The following PSD2 variants were observed in gnomAD, a reference collection of about 807,000 sequenced individuals.
The protein encoded by PSD2 is pleckstrin and Sec7 domain containing 2.
A neutral mutation model predicts 69.8 loss-of-function variants in PSD2; 38 were observed. The ratio of observed to expected loss-of-function variants is 0.54; its 90% CI spans 0.42 to 0.71. PSD2 has a LOEUF of 0.71. Ranked by LOEUF, PSD2 falls within the 30% of genes least tolerant of loss-of-function variation. The pLI, the probability that PSD2 is intolerant of heterozygous loss-of-function variation, is 0.00. For missense variants in PSD2, 943 were observed against 1,014.5 expected (o/e 0.93, Z 0.96); for synonymous variants, 412 against 423.0 (o/e 0.97, Z 0.32).
rs1412780563 is a variant in PSD2, at chr5:139,809,622, C to T, written c.182C>T (p.Thr61Met). Reference protein sequence around the residue: ...RGTPADTEEPTKDPDVAFHGL... With the variant: ...RGTPADTEEPMKDPDVAFHGL... ...ACCCCAGCGGACACTGAGGAACCCA[C>T]GAAGGACCCAGATGTGGCCTTCCAT... is the stretch of plus-strand genomic sequence containing the variant. The change falls in exon 2 of 15, where the codon ACG becomes ATG. Residue 61 changes from threonine (T) to methionine (M), a missense_variant. This residue lies in a region of PSD2 where 466 missense variants were observed against 445.0 expected (regional missense o/e 1.05). Coordinates refer to ENST00000274710, the MANE Select transcript of PSD2 (RefSeq NM_032289.4). 3.1e-6 allele frequency: 5 copies of T among 1,614,158 alleles called. No homozygotes were observed. Among genetic ancestry groups the T allele is most frequent in the Admixed American group, 1.7e-5 (1 of 60,014 alleles).
At position 139,809,511 on chromosome 5, in the gene PSD2, C is replaced by A; in HGVS notation, c.71C>A (p.Pro24His). ...GCCACCCGTGACCCCGGTCCAGAGC[C>A]TGAAGAGGAGCCAGGGGTCCGGAAT... Reference protein sequence around the residue: ...GDATRDPGPEPEEEPGVRNGM... With the variant: ...GDATRDPGPEHEEEPGVRNGM... The change falls in exon 2 of 15, where the codon CCT (proline) becomes CAT (histidine). Residue 24 changes from proline (P) to histidine (H), a missense_variant. Around this residue, in one of 3 missense-constraint regions of PSD2, gnomAD observed 466 missense variants for 445.0 expected, o/e 1.05. Coordinates refer to ENST00000274710, the MANE Select transcript of PSD2 (RefSeq NM_032289.4). 1 of 1,613,114 alleles carries A rather than the reference C, an allele frequency of 6.2e-7. No homozygotes were observed. Among genetic ancestry groups the A allele is most frequent in the Non-Finnish European group, 8.5e-7 (1 of 1,179,564 alleles).
the PSD2 span, among the ~76,000 whole-genome samples, chr5:139,778,945 C>CAAAAAAAAAAAAAAAAAAAAAAAAA: frequency 1.0e-5 from 1 of 99,898 alleles, no homozygotes; most frequent in African/African-American, 3.7e-5. Context: ...AGAAAAAAAA[C>CAAAAAAAAAAAAAAAAAAAAAAAAA]AAAAAAAAAA....
upstream of PSD2, among the ~76,000 whole-genome samples, chr5:139,790,906 G>C (rs1013338945): frequency 5.3e-5 from 8 of 151,994 alleles, no homozygotes; most frequent in African/African-American, 1.9e-4. Flanking sequence ...TGGGTGTGGT[G>C]GTTGGGTGGG....
chr5:139,813,836 G>A, intron 3 of PSD2, 78 bp downstream of exon 3: 1 of 1,252,198 alleles, frequency 8.0e-7, no homozygotes, highest in Non-Finnish European at 1.1e-6. Context: ...GCAGGTTAGG[G>A]TGACTCAGTG....
intron 7 of PSD2, among the ~76,000 whole-genome samples, chr5:139,827,977 G>A (rs940335654): frequency 3.9e-5 from 6 of 152,124 alleles, no homozygotes. Flanking sequence ...AATGGGGGAG[G>A]TGGAAGAGCA....
At position 139,833,731 on chromosome 5, in the gene PSD2, A is replaced by G; in HGVS notation, c.1299A>G (p.Gln433=). The change falls in exon 8 of 15, where the codon CAA becomes CAG. Residue 433 remains glutamine (Q), a synonymous_variant. Coordinates refer to ENST00000274710, the MANE Select transcript of PSD2 (RefSeq NM_032289.4). ...HNIGKKMSCQ[Q]FIANLDQLND... ...TTGGCAAAAAGATGTCCTGTCAGCA[A>G]TTCATTGCCAACTTGGACCAGCTGA... The G allele has an allele frequency of 6.2e-7, 1 of 1,614,146 alleles. No individual in the cohort carries two copies. The highest frequency in any genetic ancestry group is 8.5e-7 in the Non-Finnish European group (1 of 1,179,964).
chr5:139,793,780 C>A (rs952037312), upstream of PSD2, among the ~76,000 whole-genome samples: 1 of 152,198 alleles, frequency 6.6e-6, no homozygotes, highest in Non-Finnish European at 1.5e-5. Context: ...ACAGCCATGG[C>A]CCATTGAGTG....
the PSD2 span, among the ~76,000 whole-genome samples, chr5:139,777,249 CA>C: frequency 6.6e-6 from 1 of 152,084 alleles, no homozygotes; most frequent in Non-Finnish European, 1.5e-5. Flanking sequence ...TCTCAATACA[CA>C]AAAAAATATG....
chr5:139,828,375 C>T (rs953631631), intron 7 of PSD2, among the ~76,000 whole-genome samples: 11 of 152,166 alleles, frequency 7.2e-5, no homozygotes, highest in Non-Finnish European at 1.3e-4. Flanking sequence ...TTCTCTCCAA[C>T]CTTGTGTTGC....
chr5:139,745,001 G>T, the PSD2 span: 144 of 152,768 alleles, frequency 9.4e-4, no homozygotes, highest in Non-Finnish European at 1.6e-3. Flanking sequence ...TCATTAGCAG[G>T]GTAAGTTCTG....
chr5:139,786,659 C>T, the PSD2 span, among the ~76,000 whole-genome samples: 1 of 152,108 alleles, frequency 6.6e-6, no homozygotes, highest in Non-Finnish European at 1.5e-5. Context: ...GTGATTGGTT[C>T]AGGGCTGGGA....
At chr5:139,803,932 G>A (rs947370371) in intron 1 of PSD2, among the ~76,000 whole-genome samples, 4 of 152,080 alleles carry the variant, frequency 2.6e-5, no homozygotes, top group Non-Finnish European at 5.9e-5. Flanking sequence ...AGCATGGTTA[G>A]GGGGGCCCAA....
chr5:139,825,874 A>G (rs1029615295), intron 7 of PSD2, among the ~76,000 whole-genome samples: 1 of 152,172 alleles, frequency 6.6e-6, no homozygotes, highest in Non-Finnish European at 1.5e-5. Context: ...GCTGATTGCC[A>G]TGTCCCTGCA....
At chr5:139,838,247 G>C (rs1363495764) in intron 12 of PSD2, among the ~76,000 whole-genome samples, 1 of 152,210 alleles carries the variant, frequency 6.6e-6, no homozygotes. Context: ...GAGGCCTCAG[G>C]ATCACAGTGC....
chr5:139,771,995 C>G, the PSD2 span, among the ~76,000 whole-genome samples: 1 of 152,146 alleles, frequency 6.6e-6, no homozygotes, highest in African/African-American at 2.4e-5. Context: ...CTTCCCCAGC[C>G]AGGTGAGGGA....
At chr5:139,754,184 G>A in the PSD2 span, among the ~76,000 whole-genome samples, 5 of 152,178 alleles carry the variant, frequency 3.3e-5, no homozygotes, top group Non-Finnish European at 7.3e-5. Flanking sequence ...AGATTTAAGA[G>A]GGGTTGGGCA....
At chr5:139,806,980 G>A (rs1759825420) in intron 1 of PSD2, among the ~76,000 whole-genome samples, 1 of 152,230 alleles carries the variant, frequency 6.6e-6, no homozygotes, top group Non-Finnish European at 1.5e-5. Context: ...GGAGGACATA[G>A]CAGGGCAGGT....
At chr5:139,751,757 G>T in the PSD2 span, among the ~76,000 whole-genome samples, 1 of 151,114 alleles carries the variant, frequency 6.6e-6, no homozygotes, top group Non-Finnish European at 1.5e-5. Context: ...GCCACTCTAG[G>T]ACAGTGTTTC....
Position 139,838,775 on chromosome 5 carries a change from A to G in PSD2, c.1968+3A>G. 6.2e-7 allele frequency: 1 copy of G among 1,610,068 alleles called. No homozygotes were observed. The highest frequency in any genetic ancestry group is 8.5e-7 in the Non-Finnish European group (1 of 1,177,642). On this transcript the variant is annotated splice_donor_region_variant and intron_variant, in intron 13 of 14. Coordinates refer to ENST00000274710, the MANE Select transcript of PSD2 (RefSeq NM_032289.4). ...CCTGCACCACCCGCCTCTGCCAGGT[A>G]CATGTTCCTGGGTCAACATTTTGCC...
Sources: gnomAD v4.1 joint callset for allele counts (sites outside exome capture counted in the v4.1 genomes callset) on GRCh38, gnomAD v4.1.1 for gene constraint, gnomAD v4.1.1 regional missense constraint, MANE v1.5 for transcripts, NCBI Gene and HGNC (gene_info 2026-07-23, HGNC 2026-07-21) for gene names.